Variants in STX7 observed in about 807,000 individuals in gnomAD.
STX7 encodes the protein syntaxin-7.
In STX7, 34 loss-of-function variants were observed where a neutral mutation model predicts 39.6. The ratio of observed to expected loss-of-function variants is 0.86; its 90% CI spans 0.65 to 1.14. The LOEUF is 1.14. STX7 is among the 50% of genes most tolerant of loss of function. The pLI, the probability that STX7 is intolerant of heterozygous loss-of-function variation, is 0.00. For missense variants in STX7, 284 were observed against 310.4 expected (o/e 0.92, Z 0.64); for synonymous variants, 119 against 99.1 (o/e 1.20, Z -1.19).
chr6:132,461,897 T>G (rs1482750123), intron 9 of STX7: 2 of 1,510,510 alleles, frequency 1.3e-6, no homozygotes, highest in Admixed American at 4.1e-5. Context: ...TTACTTTGTG[T>G]CAAGTAGAAG....
intron 4 of STX7, 79 bp downstream of exon 4, chr6:132,472,203 G>GT (rs1435021697): frequency 1.1e-5 from 11 of 1,029,736 alleles, no homozygotes; most frequent in South Asian, 3.4e-5. Context: ...CCTTTCTAGC[G>GT]TAACAGTTCA....
intron 2 of STX7, among the ~76,000 whole-genome samples, chr6:132,499,747 C>T (rs577276109): frequency 6.6e-6 from 1 of 152,260 alleles, no homozygotes; most frequent in East Asian, 1.9e-4. Flanking sequence ...TACTTTACAC[C>T]TATGGTTTTA....
chr6:132,471,662 G>A (rs1774726905), intron 4 of STX7, 62 bp from the exon 5 acceptor site: 2 of 1,585,942 alleles, frequency 1.3e-6, no homozygotes, highest in South Asian at 2.3e-5. Flanking sequence ...TGAATTTGCG[G>A]TAGTTGGCTC....
chr6:132,512,739 G>A (rs1186154630), intron 1 of STX7, among the ~76,000 whole-genome samples: 1 of 152,130 alleles, frequency 6.6e-6, no homozygotes, highest in Non-Finnish European at 1.5e-5. Context: ...CGGCGGGTGC[G>A]TGGCTGGGTA....
At position 132,459,261 on chromosome 6, in the gene STX7, T is replaced by A. The variant is rs796851055; in HGVS notation, c.*1497A>T. 6.6e-6 allele frequency: 1 copy of A among 152,212 alleles called. No homozygotes were observed. The highest frequency in any genetic ancestry group is 2.4e-5 in the African/African-American group (1 of 41,448). 9.4% of individuals were successfully genotyped at this position (152,212 alleles called of 1,614,324 possible). On this transcript the variant is annotated 3_prime_UTR_variant, in exon 10 of 10. Coordinates refer to ENST00000367941, the MANE Select transcript of STX7 (RefSeq NM_003569.3). ...CACTCACTCACAAAAGAGTTTTCTG[T>A]AATCCCTTTTGTGGAAAAAAATGGA...
chr6:132,466,494 C>A (rs1375936069), intron 8 of STX7, among the ~76,000 whole-genome samples: 1 of 152,172 alleles, frequency 6.6e-6, no homozygotes, highest in Non-Finnish European at 1.5e-5. Flanking sequence ...TGTGCAAAAG[C>A]AACCATAAAC....
At chr6:132,463,190 G>A (rs986985118) in intron 9 of STX7, among the ~76,000 whole-genome samples, 2 of 151,950 alleles carry the variant, frequency 1.3e-5, no homozygotes, top group African/African-American at 2.4e-5. Context: ...CCTGGGCATC[G>A]GAGCCAGACT....
chr6:132,464,658 A>C (rs7758872), intron 8 of STX7, among the ~76,000 whole-genome samples: 98,569 of 152,062 alleles, frequency 0.65, 32,611 homozygotes, highest in East Asian at 0.86. Flanking sequence ...ATGGAATGTA[A>C]TTTAAGTTAC....
At chr6:132,478,552 G>A (rs900556958) in intron 2 of STX7, among the ~76,000 whole-genome samples, 9 of 152,148 alleles carry the variant, frequency 5.9e-5, no homozygotes, top group African/African-American at 2.2e-4. Context: ...TATTCCCTGG[G>A]AATTACTCAG....
chr6:132,497,162 A>C (rs1775438643), intron 2 of STX7, among the ~76,000 whole-genome samples: 1 of 152,202 alleles, frequency 6.6e-6, no homozygotes, highest in African/African-American at 2.4e-5. Flanking sequence ...AAAAATAAAA[A>C]CAAAATCAAA....
chr6:132,470,954 A>T (rs1200842159), intron 5 of STX7, among the ~76,000 whole-genome samples: 2 of 152,228 alleles, frequency 1.3e-5, no homozygotes, highest in African/African-American at 4.8e-5. Context: ...GAATAAGAAA[A>T]TAACTCATGA....
chr6:132,495,793 A>T (rs1298828381), intron 2 of STX7, among the ~76,000 whole-genome samples: 2 of 152,200 alleles, frequency 1.3e-5, no homozygotes, highest in Non-Finnish European at 2.9e-5. Flanking sequence ...TTTTACATAG[A>T]CTTTTAATTT....
intron 2 of STX7, among the ~76,000 whole-genome samples, chr6:132,486,162 TTTAA>T (rs1775127936): frequency 2.0e-5 from 3 of 152,318 alleles, no homozygotes; most frequent in Middle Eastern, 3.4e-3. Context: ...TACAAATGGT[TTTAA>T]TTCTTTTTTT....
rs1291288016 is a variant in STX7, at chr6:132,459,922, C to G, written c.*836G>C. On this transcript the variant is annotated 3_prime_UTR_variant, in exon 10 of 10. Coordinates refer to ENST00000367941, the MANE Select transcript of STX7 (RefSeq NM_003569.3). Reference sequence around the variant, plus strand: ...GACATAAGGGAAGGTAAATAATGGCCCACAAAACCAGATGATATGGTTAAG... The same window carrying G: ...GACATAAGGGAAGGTAAATAATGGCGCACAAAACCAGATGATATGGTTAAG... The G allele has an allele frequency of 6.6e-6, 1 of 151,918 alleles. No homozygotes were observed. Among genetic ancestry groups the G allele is most frequent in the Non-Finnish European group, 1.5e-5 (1 of 67,982 alleles). 9.4% of individuals were successfully genotyped at this position (151,918 alleles called of 1,614,324 possible).
chr6:132,475,603 T>G lies in STX7; in HGVS notation c.145A>C (p.Arg49=). 6.2e-7 allele frequency: 1 copy of G among 1,605,684 alleles called. No homozygotes were observed. Among genetic ancestry groups the G allele is most frequent in the Non-Finnish European group, 8.5e-7 (1 of 1,175,894 alleles). ...TAACTAGATACTTACAACTGTTGCC[T>G]CAATTCAGGTGAATCTTGAGGTGTT... ...LGTPQDSPEL[R]QQLQQKQQYT... Residue 49 remains arginine (R), a synonymous_variant, in exon 3 of 10, where the codon AGG becomes CGG. Coordinates refer to ENST00000367941, the MANE Select transcript of STX7 (RefSeq NM_003569.3).
At chr6:132,509,461 AC>A (rs1562343483) in intron 1 of STX7, among the ~76,000 whole-genome samples, 2,652 of 8,874 alleles carry the variant, frequency 0.3, 390 homozygotes, top group African/African-American at 0.37. Context: ...AAATAACATA[AC>A]ATAACATAAC....
At position 132,456,456 on chromosome 6, in the gene STX7, C is replaced by G. The variant is rs1201821209; in HGVS notation, c.*4302G>C. 1 of 152,140 alleles carries G rather than the reference C, an allele frequency of 6.6e-6. No individual in the cohort carries two copies. Among genetic ancestry groups the G allele is most frequent in the Non-Finnish European group, 1.5e-5 (1 of 68,042 alleles). 9.4% of individuals were successfully genotyped at this position (152,140 alleles called of 1,614,324 possible). Reference sequence around the variant, plus strand: ...ATTCTTTTGGTTCACTCTTAGAACACTATGCCCAGGCATGTAGTAGCCTGG... The same window carrying G: ...ATTCTTTTGGTTCACTCTTAGAACAGTATGCCCAGGCATGTAGTAGCCTGG... On this transcript the variant is annotated 3_prime_UTR_variant, in exon 10 of 10. Coordinates refer to ENST00000367941, the MANE Select transcript of STX7 (RefSeq NM_003569.3).
rs948298268 is a variant in STX7, at chr6:132,471,318, G to A, written c.387+145C>T. 1.2e-5 allele frequency: 11 copies of A among 950,998 alleles called. No individual in the cohort carries two copies. The African/African-American group carries it at 1.2e-4, about 10-fold the overall frequency. 58.9% of individuals were successfully genotyped at this position (950,998 alleles called of 1,614,324 possible). On this transcript the variant is annotated intron_variant, in intron 5 of 9. Coordinates refer to ENST00000367941, the MANE Select transcript of STX7 (RefSeq NM_003569.3). ...TCATCCTTTTCTAAAAATGGAGCAG[G>A]AAAGCATAAAAATAAATATTCAAGA...
chr6:132,489,702 G>T (rs1775229309), intron 2 of STX7, among the ~76,000 whole-genome samples: 1 of 152,172 alleles, frequency 6.6e-6, no homozygotes, highest in East Asian at 1.9e-4. Flanking sequence ...CAACTACACT[G>T]GCTTCCTGTG....
Sources: gnomAD v4.1 joint callset for allele counts (sites outside exome capture counted in the v4.1 genomes callset) on GRCh38, gnomAD v4.1.1 for gene constraint, MANE v1.5 for transcripts, NCBI Gene and HGNC (gene_info 2026-07-23, HGNC 2026-07-21) for gene names.